Variants in VAV3 observed in about 807,000 individuals in gnomAD.
VAV3 encodes vav guanine nucleotide exchange factor 3, also known as guanine nucleotide exchange factor VAV3.
Under a neutral mutation model 131.2 loss-of-function variants are expected in VAV3, and 94 were observed. That is an observed-to-expected ratio of 0.72 (90% CI 0.61 to 0.85). The LOEUF (loss-of-function observed/expected upper bound fraction) is 0.85. Among genes scored for constraint, VAV3 ranks in the 40% least tolerant of loss-of-function variants. VAV3 has a pLI of 0.00. For missense variants in VAV3, 939 were observed against 1,002.7 expected (o/e 0.94, Z 0.86); for synonymous variants, 349 against 342.0 (o/e 1.02, Z -0.22).
chr1:107,711,886 A>G (rs1292244172), intron 15 of VAV3, among the ~76,000 whole-genome samples: 1 of 152,098 alleles, frequency 6.6e-6, no homozygotes, highest in Non-Finnish European at 1.5e-5. Context: ...GGGTTTCACC[A>G]TATTGGCCAG....
intron 12 of VAV3, among the ~76,000 whole-genome samples, chr1:107,753,133 A>C (rs1663838963): frequency 1.3e-5 from 2 of 152,172 alleles, no homozygotes; most frequent in Admixed American, 1.3e-4. Flanking sequence ...GAAATCAAAA[A>C]AATAAAATGT....
intron 15 of VAV3, among the ~76,000 whole-genome samples, chr1:107,714,272 T>C (rs1427028263): frequency 6.6e-6 from 1 of 152,114 alleles, no homozygotes; most frequent in Non-Finnish European, 1.5e-5. Flanking sequence ...GTATTTCTTC[T>C]TCCCTTAGAA....
intron 2 of VAV3, among the ~76,000 whole-genome samples, chr1:107,794,977 C>A (rs1666467455): frequency 6.6e-6 from 1 of 152,148 alleles, no homozygotes; most frequent in African/African-American, 2.4e-5. Flanking sequence ...ATTGTTATTT[C>A]ATTTCAGCTT....
rs117961965 is a variant in VAV3 at position 107,638,887 on chromosome 1, T to A, written c.1914+3732A>T. ...AAACAGACCTACATATACATATATA[T>A]GAAGATATATATACACACACATATA... On this transcript the variant is annotated intron_variant, in intron 20 of 26. Coordinates refer to ENST00000370056, the MANE Select transcript of VAV3 (RefSeq NM_006113.5). 7.5e-3 allele frequency among the ~76,000 whole-genome samples: 1,138 copies of A among 152,024 alleles called. 7 individuals are homozygous for A. Among genetic ancestry groups the A allele is most frequent in the East Asian group, 0.025 (127 of 5,180 alleles).
intron 20 of VAV3, among the ~76,000 whole-genome samples, chr1:107,632,001 G>A (rs1395164993): frequency 6.6e-6 from 1 of 152,122 alleles, no homozygotes; most frequent in Admixed American, 6.5e-5. Context: ...CCAGTAATGG[G>A]ATTGCTGGGT....
intron 25 of VAV3, among the ~76,000 whole-genome samples, chr1:107,586,680 AAAGG>A (rs1162701714): frequency 1.3e-5 from 2 of 152,132 alleles, no homozygotes; most frequent in Non-Finnish European, 2.9e-5. Context: ...TTGAAAAAGA[AAAGG>A]AAGGAATGAA....
chr1:107,632,634 C>CA (rs1654589049), intron 20 of VAV3, among the ~76,000 whole-genome samples: 1 of 152,188 alleles, frequency 6.6e-6, no homozygotes. Flanking sequence ...TGCAAAAACT[C>CA]AAACATATTA....
rs536375044 is a variant in VAV3 at position 107,620,772 on chromosome 1, TAA to T, written c.1915-3142_1915-3141del. Among the ~76,000 whole-genome samples the T allele has an allele frequency of 7.2e-5, 11 of 152,168 alleles. No individual in the cohort carries two copies. The East Asian group carries it at 2.1e-3, about 29-fold the overall frequency. On this transcript the variant is annotated intron_variant, in intron 20 of 26. Coordinates refer to ENST00000370056, the MANE Select transcript of VAV3 (RefSeq NM_006113.5). Reference sequence around the variant, plus strand: ...GAAAAGAGGATGAGAACCCAAAGAATAAAAGAGTAGGAAAAAGAGATGAATTT... The same window carrying T: ...GAAAAGAGGATGAGAACCCAAAGAATAAGAGTAGGAAAAAGAGATGAATTT...
chr1:107,912,896 C>CT (rs1672434387), intron 1 of VAV3, among the ~76,000 whole-genome samples: 1 of 152,206 alleles, frequency 6.6e-6, no homozygotes, highest in South Asian at 2.1e-4. Context: ...CACAACCACA[C>CT]TTTCCACAGC....
At chr1:107,837,651 C>T (rs2169077) in intron 2 of VAV3, among the ~76,000 whole-genome samples, 21,480 of 152,130 alleles carry the variant, frequency 0.14, 1,683 homozygotes, top group East Asian at 0.23. Flanking sequence ...TACAAGGCTA[C>T]AGTAACCAAA....
intron 9 of VAV3, 32 bp downstream of exon 9, chr1:107,765,044 C>T (rs753531538): frequency 4.0e-6 from 6 of 1,509,982 alleles, no homozygotes; most frequent in African/African-American, 1.4e-5. Context: ...GTTTATTTTG[C>T]TTTATGTCAT....
intron 2 of VAV3, among the ~76,000 whole-genome samples, chr1:107,831,711 A>T (rs1668255234): frequency 6.6e-6 from 1 of 152,222 alleles, no homozygotes. Flanking sequence ...AGCAGAGCTT[A>T]TGTTTTAAAC....
At chr1:107,773,143 G>A (rs1006949636) in intron 4 of VAV3, among the ~76,000 whole-genome samples, 2 of 152,142 alleles carry the variant, frequency 1.3e-5, no homozygotes, top group Non-Finnish European at 2.9e-5. Context: ...ATGATCAGGT[G>A]TGCATTATTA....
intron 1 of VAV3, among the ~76,000 whole-genome samples, chr1:107,928,710 CA>C (rs1271702163): frequency 1.3e-5 from 2 of 149,844 alleles, no homozygotes; most frequent in African/African-American, 4.9e-5. Flanking sequence ...TCAGAGGAGG[CA>C]AAAGAAAAAA....
chr1:107,624,294 C>A, intron 20 of VAV3, among the ~76,000 whole-genome samples: 1 of 151,836 alleles, frequency 6.6e-6, no homozygotes, highest in Non-Finnish European at 1.5e-5. Flanking sequence ...ATCCTCTGAT[C>A]ATGGGTGTCT....
chr1:107,830,719 A>AATTCT (rs1453683250), intron 2 of VAV3, among the ~76,000 whole-genome samples: 4 of 151,968 alleles, frequency 2.6e-5, no homozygotes, highest in Non-Finnish European at 5.9e-5. Flanking sequence ...TGTCTTGGTA[A>AATTCT]ATTCTTTACC....
At chr1:107,755,792 C>A (rs182292401) in intron 11 of VAV3, among the ~76,000 whole-genome samples, 1 of 151,998 alleles carries the variant, frequency 6.6e-6, no homozygotes, top group Non-Finnish European at 1.5e-5. Flanking sequence ...AAATATACCA[C>A]AATAGAGCAA....
intron 26 of VAV3, among the ~76,000 whole-genome samples, chr1:107,573,600 A>G (rs1649402750): frequency 6.6e-6 from 1 of 152,208 alleles, no homozygotes; most frequent in African/African-American, 2.4e-5. Context: ...ACAAATAAAT[A>G]TGTAAATTAA....
intron 9 of VAV3, among the ~76,000 whole-genome samples, chr1:107,761,387 C>T (rs1182944183): frequency 1.2e-4 from 14 of 118,764 alleles, no homozygotes; most frequent in Non-Finnish European, 7.4e-5. Flanking sequence ...AGTGAGACTC[C>T]GTCTCAAAAA....
Sources: gnomAD v4.1 joint callset for allele counts (sites outside exome capture counted in the v4.1 genomes callset) on GRCh38, gnomAD v4.1.1 for gene constraint, MANE v1.5 for transcripts, NCBI Gene and HGNC (gene_info 2026-07-23, HGNC 2026-07-21) for gene names.